Variants in PGCKA1 observed in about 807,000 individuals in gnomAD.
PGCKA1 encodes PDCD10 and GCKIII kinases-associated protein 1.
chr4:37,483,933 T>A, the PGCKA1 span, among the ~76,000 whole-genome samples: 1 of 152,216 alleles, frequency 6.6e-6, no homozygotes, highest in African/African-American at 2.4e-5. Context: ...CATTTGACTT[T>A]TCTCTGTTTC....
chr4:37,454,295 C>T, the PGCKA1 span, among the ~76,000 whole-genome samples: 2 of 152,096 alleles, frequency 1.3e-5, no homozygotes, highest in African/African-American at 2.4e-5. Flanking sequence ...TTTACAGATT[C>T]CCAAAACCAA....
At chr4:37,562,556 C>T in the PGCKA1 span, among the ~76,000 whole-genome samples, 1 of 152,186 alleles carries the variant, frequency 6.6e-6, no homozygotes. Flanking sequence ...AGAGATGATG[C>T]TGTTTGAGGA....
the PGCKA1 span, among the ~76,000 whole-genome samples, chr4:37,583,847 T>C: frequency 6.6e-6 from 1 of 152,210 alleles, no homozygotes; most frequent in Non-Finnish European, 1.5e-5. Flanking sequence ...GTTGCTTTTT[T>C]ATGCTCCAAA....
the PGCKA1 span, among the ~76,000 whole-genome samples, chr4:37,575,145 C>A: frequency 1.3e-5 from 2 of 152,088 alleles, no homozygotes; most frequent in Non-Finnish European, 2.9e-5. Context: ...CATATGGTAG[C>A]TCTGTTTTTA....
the PGCKA1 span, among the ~76,000 whole-genome samples, chr4:37,552,579 G>A: frequency 6.6e-6 from 1 of 152,100 alleles, no homozygotes; most frequent in Non-Finnish European, 1.5e-5. Context: ...GAGAAACCAG[G>A]GGCAGTAGAA....
the PGCKA1 span, among the ~76,000 whole-genome samples, chr4:37,540,422 G>A: frequency 6.6e-6 from 1 of 152,200 alleles, no homozygotes; most frequent in East Asian, 1.9e-4. Flanking sequence ...CGATAAATGA[G>A]TGAATCTTAC....
At chr4:37,476,679 G>A in the PGCKA1 span, among the ~76,000 whole-genome samples, 3 of 152,158 alleles carry the variant, frequency 2.0e-5, no homozygotes, top group Non-Finnish European at 2.9e-5. Context: ...AGATGGGATC[G>A]TTGTTGGTTT....
the PGCKA1 span, among the ~76,000 whole-genome samples, chr4:37,495,906 G>A: frequency 3.3e-5 from 5 of 152,002 alleles, no homozygotes; most frequent in African/African-American, 1.2e-4. Context: ...TTTTTAATGG[G>A]GTTGTTTATT....
At chr4:37,482,669 G>A in the PGCKA1 span, among the ~76,000 whole-genome samples, 1 of 152,140 alleles carries the variant, frequency 6.6e-6, no homozygotes. Context: ...AAGACAATGA[G>A]GACAATGTCT....
At chr4:37,523,711 G>T in the PGCKA1 span, among the ~76,000 whole-genome samples, 46,831 of 151,890 alleles carry the variant, frequency 0.31, 8,546 homozygotes, top group African/African-American at 0.5. Context: ...TTGTTCAGTC[G>T]GCTATAGCAA....
the PGCKA1 span, among the ~76,000 whole-genome samples, chr4:37,554,432 C>T: frequency 6.6e-6 from 1 of 152,134 alleles, no homozygotes; most frequent in African/African-American, 2.4e-5. Context: ...TCGCTGCACC[C>T]TCCGCCTCCA....
the PGCKA1 span, among the ~76,000 whole-genome samples, chr4:37,459,568 C>G: frequency 1.3e-5 from 2 of 152,152 alleles, no homozygotes; most frequent in African/African-American, 4.8e-5. Context: ...AGCCAGTAAG[C>G]TTTGGTCCTC....
the PGCKA1 span, among the ~76,000 whole-genome samples, chr4:37,538,080 C>CACACACACAT: frequency 1.3e-5 from 2 of 152,146 alleles, no homozygotes; most frequent in Admixed American, 1.3e-4. Flanking sequence ...CACACACACA[C>CACACACACAT]ACACACGCAC....
At chr4:37,532,968 A>T in the PGCKA1 span, among the ~76,000 whole-genome samples, 2,264 of 131,602 alleles carry the variant, frequency 0.017, 20 homozygotes, top group South Asian at 0.13. Flanking sequence ...TGGGGGGAAC[A>T]GTGGGAGGGG....
the PGCKA1 span, among the ~76,000 whole-genome samples, chr4:37,515,185 C>T: frequency 6.6e-6 from 1 of 152,174 alleles, no homozygotes; most frequent in Non-Finnish European, 1.5e-5. Flanking sequence ...TTCTCACTCT[C>T]TTCCTGCCAT....
the PGCKA1 span, among the ~76,000 whole-genome samples, chr4:37,471,902 T>C: frequency 6.6e-6 from 1 of 152,204 alleles, no homozygotes; most frequent in Non-Finnish European, 1.5e-5. Flanking sequence ...GCAACTGCCC[T>C]TGAGCCTGTC....
At chr4:37,513,020 G>A in the PGCKA1 span, among the ~76,000 whole-genome samples, 77,266 of 150,674 alleles carry the variant, frequency 0.51, 20,186 homozygotes, top group African/African-American at 0.6. Flanking sequence ...CCTGGGAGGC[G>A]GAGATTTCAG....
At chr4:37,501,939 G>T in the PGCKA1 span, among the ~76,000 whole-genome samples, 1 of 152,186 alleles carries the variant, frequency 6.6e-6, no homozygotes, top group African/African-American at 2.4e-5. Context: ...GGGTTTGACT[G>T]TGGTATAAGG....
chr4:37,573,241 C>T, the PGCKA1 span, among the ~76,000 whole-genome samples: 1 of 152,204 alleles, frequency 6.6e-6, no homozygotes, highest in South Asian at 2.1e-4. Context: ...TAAAAATCTA[C>T]AAATCTATCA....
Sources: allele counts gnomAD v4.1 joint callset (sites outside exome capture counted in the v4.1 genomes callset), GRCh38; gene constraint gnomAD v4.1.1; transcripts MANE v1.5; gene names NCBI Gene and HGNC (gene_info 2026-07-23, HGNC 2026-07-21).